LNX1: variants seen among roughly 807,000 people sequenced by gnomAD.
The protein encoded by LNX1 is E3 ubiquitin-protein ligase LNX.
LNX1 carries 54 observed loss-of-function variants against 68.4 expected under a neutral mutation model. The observed-to-expected ratio is 0.79, with a 90% CI of 0.63 to 0.99. LNX1 has a LOEUF of 0.99. Among genes scored for constraint, LNX1 ranks in the 50% least tolerant of loss-of-function variants. The pLI is 0.00. For synonymous variants in LNX1, 336 were observed against 350.0 expected (o/e 0.96, Z 0.45); for missense variants, 906 against 926.4 (o/e 0.98, Z 0.29).
intron 2 of LNX1, among the ~76,000 whole-genome samples, chr4:53,600,762 G>A (rs145407071): frequency 4.6e-5 from 7 of 150,566 alleles, no homozygotes; most frequent in Admixed American, 1.3e-4. Flanking sequence ...ACAGAGTCTC[G>A]CTCTGTTGCC....
At chr4:53,608,709 C>T (rs555031943) in intron 2 of LNX1, among the ~76,000 whole-genome samples, 8 of 152,206 alleles carry the variant, frequency 5.3e-5, no homozygotes, top group African/African-American at 1.9e-4. Context: ...AGGAAACAAC[C>T]TAAATGCCCA....
exon 1 of LNX1, chr4:53,617,351 T>C (rs1733716747): frequency 6.6e-6 from 1 of 152,184 alleles, no homozygotes; most frequent in Non-Finnish European, 1.5e-5. Context: ...AAAAGATGGT[T>C]CAATAGGCCA....
At chr4:53,473,779 C>G (rs1474381309) in intron 9 of LNX1, among the ~76,000 whole-genome samples, 1 of 152,020 alleles carries the variant, frequency 6.6e-6, no homozygotes, top group Non-Finnish European at 1.5e-5. Context: ...TATAACAAAC[C>G]TGCACATGTA....
At chr4:53,624,831 A>G (rs2109864416) in intron 1 of LNX1, among the ~76,000 whole-genome samples, 1 of 152,302 alleles carries the variant, frequency 6.6e-6, no homozygotes, top group African/African-American at 2.4e-5. Context: ...TAAAATATCC[A>G]AACATTTTCT....
chr4:53,540,777 C>G (rs1577683456), intron 2 of LNX1, among the ~76,000 whole-genome samples: 1 of 152,062 alleles, frequency 6.6e-6, no homozygotes, highest in Non-Finnish European at 1.5e-5. Flanking sequence ...ATTTAAGTAT[C>G]CTCACTTATT....
intron 2 of LNX1, among the ~76,000 whole-genome samples, chr4:53,609,966 T>G (rs989743154): frequency 7.9e-5 from 12 of 151,782 alleles, no homozygotes; most frequent in Middle Eastern, 3.4e-3. Context: ...ACTGTTATTG[T>G]TCACATTTTA....
intron 1 of LNX1, among the ~76,000 whole-genome samples, chr4:53,582,760 G>C (rs1731916950): frequency 6.6e-6 from 1 of 151,702 alleles, no homozygotes; most frequent in Non-Finnish European, 1.5e-5. Flanking sequence ...TTTGGATTAA[G>C]CTCCATGTGG....
At chr4:53,590,986 TAAG>T (rs1027932826) in intron 1 of LNX1, among the ~76,000 whole-genome samples, 2 of 151,958 alleles carry the variant, frequency 1.3e-5, no homozygotes, top group African/African-American at 2.4e-5. Context: ...AAAGGAAAAA[TAAG>T]AACTCTGAAT....
intron 2 of LNX1, among the ~76,000 whole-genome samples, chr4:53,520,030 C>T (rs570325468): frequency 6.6e-6 from 1 of 152,306 alleles, no homozygotes; most frequent in Admixed American, 6.5e-5. Context: ...ACATACACTG[C>T]ATCTTTTTCC....
chr4:53,611,149 A>G (rs1450518444), intron 2 of LNX1, among the ~76,000 whole-genome samples: 1 of 152,140 alleles, frequency 6.6e-6, no homozygotes, highest in Non-Finnish European at 1.5e-5. Flanking sequence ...AGAATTTGAT[A>G]AAATAGGTGG....
intron 1 of LNX1, among the ~76,000 whole-genome samples, chr4:53,630,839 G>A (rs188093542): frequency 4.6e-5 from 7 of 152,308 alleles, no homozygotes; most frequent in African/African-American, 1.7e-4. Flanking sequence ...TTCAGTGTTT[G>A]CAGTGATTTT....
At chr4:53,632,117 C>T (rs533039496) in intron 1 of LNX1, among the ~76,000 whole-genome samples, 4 of 151,986 alleles carry the variant, frequency 2.6e-5, no homozygotes, top group South Asian at 4.2e-4. Context: ...CAAGGGCAGA[C>T]CTAGGGCTGC....
intron 1 of LNX1, among the ~76,000 whole-genome samples, chr4:53,623,264 C>T (rs1560697649): frequency 1.3e-5 from 2 of 149,642 alleles, no homozygotes; most frequent in South Asian, 2.1e-4. Context: ...AGTACAGTGG[C>T]ATGATCTTGG....
chr4:53,583,650 G>A (rs904302759), intron 1 of LNX1, among the ~76,000 whole-genome samples: 33 of 152,126 alleles, frequency 2.2e-4, no homozygotes, highest in Non-Finnish European at 4.3e-4. Context: ...AATACATCTG[G>A]AGTCAATAAA....
At position 53,460,720 on chromosome 4, in the gene LNX1, G is replaced by GTAGTT. The variant is rs777213155; in HGVS notation, c.*182_*186dup. 39 of 555,688 alleles carry GTAGTT rather than the reference G, an allele frequency of 7.0e-5. No homozygotes were observed. The highest frequency in any genetic ancestry group is 4.3e-4 in the Admixed American group (11 of 25,722). The allele number at this position is 555,688 out of a possible 1,614,324, so 34.4% of individuals were successfully genotyped here. A position where few individuals can be genotyped will look rare whatever the true frequency, so the allele number is the denominator to read the frequency against. ...AATCCTCCACACTGAAAAAAAACTAGTAGTTTTAATTTTTTTGGAATCATA... is the reference window on the plus strand; with the variant it reads ...AATCCTCCACACTGAAAAAAAACTAGTAGTTTAGTTTTAATTTTTTTGGAATCATA... On this transcript the variant is annotated 3_prime_UTR_variant, in exon 11 of 11. Coordinates refer to ENST00000263925, the MANE Select transcript of LNX1 (RefSeq NM_001126328.3).
At chr4:53,535,806 CT>C (rs1379085876) in intron 2 of LNX1, among the ~76,000 whole-genome samples, 3 of 152,172 alleles carry the variant, frequency 2.0e-5, no homozygotes, top group Non-Finnish European at 4.4e-5. Flanking sequence ...TGAATTACTT[CT>C]CATTCATCTG....
At chr4:53,478,454 C>T (rs1237800212) in intron 8 of LNX1, 111 bp downstream of exon 8, 93 of 938,040 alleles carry the variant, frequency 9.9e-5, no homozygotes, top group Non-Finnish European at 1.4e-4. Flanking sequence ...AAAGTCCTGG[C>T]CGATCACTCC....
intron 4 of LNX1, among the ~76,000 whole-genome samples, chr4:53,505,230 G>A (rs374452844): frequency 2.0e-5 from 3 of 151,364 alleles, no homozygotes; most frequent in East Asian, 3.9e-4. Context: ...AAATGTTTTT[G>A]TAATAAATAT....
intron 1 of LNX1, among the ~76,000 whole-genome samples, chr4:53,627,702 C>T (rs1217442255): frequency 6.6e-6 from 1 of 152,240 alleles, no homozygotes; most frequent in Non-Finnish European, 1.5e-5. Context: ...CAGCACACCT[C>T]TGAGGATGGA....
Sources: gnomAD v4.1 joint callset for allele counts (sites outside exome capture counted in the v4.1 genomes callset) on GRCh38, gnomAD v4.1.1 for gene constraint, MANE v1.5 for transcripts, NCBI Gene and HGNC (gene_info 2026-07-23, HGNC 2026-07-21) for gene names.